Variants in GFM1 observed in about 807,000 individuals in gnomAD.
GFM1 encodes elongation factor G, mitochondrial.
In GFM1, 62 loss-of-function variants were observed where a neutral mutation model predicts 96.2. The observed-to-expected ratio is 0.64, with a 90% CI of 0.53 to 0.80. GFM1 has a LOEUF of 0.80. Among genes scored for constraint, GFM1 ranks in the 30% least tolerant of loss-of-function variants. The pLI, the probability that GFM1 is intolerant of heterozygous loss-of-function variation, is 0.00. For missense variants in GFM1, 852 were observed against 916.6 expected (o/e 0.93, Z 0.91); for synonymous variants, 282 against 312.9 (o/e 0.90, Z 1.04).
intron 15 of GFM1, among the ~76,000 whole-genome samples, chr3:158,686,640 G>A (rs903421760): frequency 8.4e-6 from 1 of 119,104 alleles, no homozygotes; most frequent in Non-Finnish European, 1.7e-5. Context: ...TATTATTTAG[G>A]TATAGTATAT....
At chr3:158,673,481 G>T (rs1724559600) in intron 13 of GFM1, among the ~76,000 whole-genome samples, 3 of 150,010 alleles carry the variant, frequency 2.0e-5, no homozygotes, top group African/African-American at 7.4e-5. Flanking sequence ...TCGCTGCCTG[G>T]ATTGAGACCT....
In GFM1 at chr3:158,695,242, C is replaced by G. The variant is rs1440192206; in HGVS notation, c.*3775C>G. On this transcript the variant is annotated 3_prime_UTR_variant, in exon 18 of 18. Coordinates refer to ENST00000486715, the MANE Select transcript of GFM1 (RefSeq NM_024996.7). ...TACAAAAATCGTCCGGGCGGGGTGG[C>G]TCACGCCTGTAGCCCCAGCTGCTCA... is the stretch of plus-strand genomic sequence containing the variant. The G allele has an allele frequency of 6.6e-6, 1 of 152,150 alleles. No individual in the cohort carries two copies. The highest frequency in any genetic ancestry group is 2.4e-5 in the African/African-American group (1 of 41,408). The allele number at this position is 152,150 out of a possible 1,614,324, so 9.4% of individuals were successfully genotyped here. A position where few individuals can be genotyped will look rare whatever the true frequency, so the allele number is the denominator to read the frequency against.
chr3:158,679,754 A>G lies in GFM1; in HGVS notation c.1602-2241A>G, dbSNP rs191201432. Among the ~76,000 whole-genome samples the G allele has an allele frequency of 4.2e-4, 64 of 152,328 alleles. No individual in the cohort carries two copies. In the East Asian group the frequency reaches 7.3e-3, roughly 17 times the overall value. The stretch of plus-strand genomic sequence containing the variant: ...AGTGTCCAGGAAAGTGGCTGAGTAC[A>G]TTCTGATAACTCAGAGCTTTTTGCT... On this transcript the variant is annotated intron_variant, in intron 13 of 17. Coordinates refer to ENST00000486715, the MANE Select transcript of GFM1 (RefSeq NM_024996.7).
At chr3:158,650,063 TG>T (rs1368973349) in intron 5 of GFM1, 7 of 1,534,752 alleles carry the variant, frequency 4.6e-6, no homozygotes, top group Non-Finnish European at 6.1e-6. Context: ...GTCTGGCAGG[TG>T]GGCGAATGGC....
At chr3:158,674,168 C>T (rs1724664598) in intron 13 of GFM1, among the ~76,000 whole-genome samples, 1 of 151,288 alleles carries the variant, frequency 6.6e-6, no homozygotes, top group Non-Finnish European at 1.5e-5. Flanking sequence ...GCAACCTCCA[C>T]CTCCCAGGTT....
At position 158,666,966 on chromosome 3, in the gene GFM1, T is replaced by A. The variant is rs753842834; in HGVS notation, c.1601+580T>A. ...AAGCATACTGTGGCTATACAAGGAG[T>A]CTCAGTTTTCAGAATGGCATCAAAT... is the stretch of plus-strand genomic sequence containing the variant. On this transcript the variant is annotated intron_variant, in intron 13 of 17. Coordinates refer to ENST00000486715, the MANE Select transcript of GFM1 (RefSeq NM_024996.7). 19 of 1,568,596 alleles carry A rather than the reference T, an allele frequency of 1.2e-5. No homozygotes were observed. The South Asian group carries it at 2.2e-4, about 18-fold the overall frequency.
In GFM1 at chr3:158,691,676, T is replaced by G; in HGVS notation, c.*209T>G. On this transcript the variant is annotated 3_prime_UTR_variant, in exon 18 of 18. Transcript: ENST00000486715. ...AATTCTATGTCTATCTCAACTCTAT[T>G]GATTGGTTTTATAGTTCATTGAAAA... The G allele has an allele frequency of 2.0e-6, 1 of 497,532 alleles. No individual in the cohort carries two copies. The highest frequency in any genetic ancestry group is 3.6e-6 in the Non-Finnish European group (1 of 277,050). The allele number at this position is 497,532 out of a possible 1,614,324, so 30.8% of individuals were successfully genotyped here.
intron 13 of GFM1, among the ~76,000 whole-genome samples, chr3:158,672,144 A>G (rs1207660448): frequency 6.6e-6 from 1 of 152,194 alleles, no homozygotes; most frequent in Non-Finnish European, 1.5e-5. Context: ...AGGTGAAAAC[A>G]GTCCCGGGCT....
At chr3:158,690,896 T>C (rs965001856) in intron 16 of GFM1, among the ~76,000 whole-genome samples, 10 of 152,332 alleles carry the variant, frequency 6.6e-5, no homozygotes, top group African/African-American at 2.4e-4. Context: ...CTGTCAATGG[T>C]GTTCACTCCA....
chr3:158,648,889 C>T (rs1722064014), intron 4 of GFM1, 152 bp from the exon 5 acceptor site: 4 of 588,204 alleles, frequency 6.8e-6, no homozygotes, highest in Non-Finnish European at 9.3e-6. Flanking sequence ...CAGTCTGTTC[C>T]CAGCTGCTTT....
chr3:158,668,984 G>T, intron 13 of GFM1: 1 of 1,596,670 alleles, frequency 6.3e-7, no homozygotes, highest in South Asian at 1.1e-5. Context: ...GTATTTTATA[G>T]AAACTACTTA....
chr3:158,664,224 C>A (rs1189244112), intron 11 of GFM1, among the ~76,000 whole-genome samples: 4 of 152,204 alleles, frequency 2.6e-5, no homozygotes, highest in African/African-American at 9.7e-5. Flanking sequence ...CTATTGCTGA[C>A]TTAAGAAGTT....
chr3:158,667,007 T>C, intron 13 of GFM1: 1 of 1,596,986 alleles, frequency 6.3e-7, no homozygotes, highest in South Asian at 1.2e-5. Flanking sequence ...TAAATTATAC[T>C]TTACCTGAGA....
intron 14 of GFM1, among the ~76,000 whole-genome samples, chr3:158,682,691 G>T (rs1725504870): frequency 6.6e-6 from 1 of 152,112 alleles, no homozygotes; most frequent in South Asian, 2.1e-4. Flanking sequence ...TTGCACATAT[G>T]AGGGGTTAGT....
Position 158,695,009 on chromosome 3 carries a change from T to C in GFM1, c.*3542T>C, listed in dbSNP as rs561251772. Among the ~76,000 whole-genome samples the C allele has an allele frequency of 6.6e-5, 10 of 152,344 alleles. No individual in the cohort carries two copies. In the East Asian group the frequency reaches 1.9e-3, roughly 29 times the overall value. ...GTTTTTCATTTTATGCCAAGTGATTTTTCTGTTTTATTAGCTAGTGAAACC... is the reference window on the plus strand; with the variant it reads ...GTTTTTCATTTTATGCCAAGTGATTCTTCTGTTTTATTAGCTAGTGAAACC... On this transcript the variant is annotated 3_prime_UTR_variant, in exon 18 of 18. Transcript: ENST00000486715.
chr3:158,658,786 C>T (rs1342909613), intron 8 of GFM1, 136 bp from the exon 9 acceptor site: 7 of 877,722 alleles, frequency 8.0e-6, no homozygotes, highest in Non-Finnish European at 1.3e-5. Flanking sequence ...TAGTTTATGA[C>T]AATAAACTGA....
chr3:158,690,165 T>C lies in GFM1; in HGVS notation c.1912T>C (p.Leu638=). The change falls in exon 16 of 18, where the codon TTG becomes CTG. Residue 638 remains leucine (L), a splice_region_variant and synonymous_variant. Coordinates refer to ENST00000486715, the MANE Select transcript of GFM1 (RefSeq NM_024996.7). ...ACTTTTTTTTTTTTTTAACCCAGCCTTGGCAAATGCAACATTATGTATTCT... is the reference window on the plus strand; with the variant it reads ...ACTTTTTTTTTTTTTTAACCCAGCCCTGGCAAATGCAACATTATGTATTCT... ...RAGEGALKQA[L]ANATLCILEP... 6.2e-7 allele frequency: 1 copy of C among 1,613,030 alleles called. No individual in the cohort carries two copies. The highest frequency in any genetic ancestry group is 1.7e-5 in the Admixed American group (1 of 59,996).
At chr3:158,686,734 T>TG (rs1725893177) in intron 15 of GFM1, among the ~76,000 whole-genome samples, 2 of 140,404 alleles carry the variant, frequency 1.4e-5, no homozygotes, top group African/African-American at 2.7e-5. Flanking sequence ...TTTTTTTTTT[T>TG]TTTTTTTTTT....
At chr3:158,669,134 T>C (rs1446923016) in intron 13 of GFM1, 1 of 1,612,678 alleles carries the variant, frequency 6.2e-7, no homozygotes, top group East Asian at 2.2e-5. Context: ...CAAAATTGTC[T>C]GGTAGGAGAC....
Sources: gnomAD v4.1 joint callset for allele counts (sites outside exome capture counted in the v4.1 genomes callset) on GRCh38, gnomAD v4.1.1 for gene constraint, MANE v1.5 for transcripts, NCBI Gene and HGNC (gene_info 2026-07-23, HGNC 2026-07-21) for gene names.